The following SYT2 variants were observed in gnomAD, a reference collection of about 807,000 sequenced individuals.
The protein encoded by SYT2 is synaptotagmin 2.
SYT2 carries 15 observed loss-of-function variants against 39.9 expected under a neutral mutation model. The observed-to-expected ratio is 0.38, with a 90% CI of 0.25 to 0.58. SYT2 has a LOEUF of 0.58. Among genes scored for constraint, SYT2 ranks in the 20% least tolerant of loss-of-function variants. The pLI, the probability that SYT2 is intolerant of heterozygous loss-of-function variation, is 0.70. For missense variants in SYT2, 389 were observed against 530.3 expected (o/e 0.73, Z 2.62); for synonymous variants, 181 against 204.5 (o/e 0.89, Z 0.98).
In SYT2 at chr1:202,634,976, T is replaced by C. The variant is rs1294367230; in HGVS notation, c.-17-29187A>G. Among the ~76,000 whole-genome samples the C allele has an allele frequency of 2.0e-5, 3 of 152,224 alleles. No homozygotes were observed. In the East Asian group the frequency reaches 5.8e-4, roughly 29 times the overall value. ...AGATCGTGGTATGGTTGTGCAGTTC[T>C]GTGAATATATTAAAAACTATTGAAT... On this transcript the variant is annotated intron_variant, in intron 1 of 8. Coordinates refer to ENST00000367268, the MANE Select transcript of SYT2 (RefSeq NM_177402.5).
chr1:202,626,356 C>T (rs1691404028), intron 1 of SYT2, among the ~76,000 whole-genome samples: 1 of 148,778 alleles, frequency 6.7e-6, no homozygotes, highest in African/African-American at 2.5e-5. Context: ...TTCTTTCCAT[C>T]CTTTGGAAAG....
At chr1:202,678,565 C>T (rs933956013) in intron 1 of SYT2, among the ~76,000 whole-genome samples, 4 of 152,124 alleles carry the variant, frequency 2.6e-5, no homozygotes, top group Non-Finnish European at 5.9e-5. Context: ...TCATGTCCCT[C>T]CCTGAAATCT....
In SYT2 at chr1:202,605,566, C is replaced by T. The variant is rs1233246823; in HGVS notation, c.178+29G>A. On this transcript the variant is annotated intron_variant, in intron 2 of 8. Transcript: ENST00000367268. ...ACCTCTCCCAGACTCTAGCCTTGCC[C>T]CACCCTCTCAGCCACCAGAGACACT... 3 of 1,603,926 alleles carry T rather than the reference C, an allele frequency of 1.9e-6. No homozygotes were observed. In the Admixed American group the frequency reaches 5.0e-5, roughly 27 times the overall value.
intron 1 of SYT2, among the ~76,000 whole-genome samples, chr1:202,629,878 G>GGGGGT (rs1553338299): frequency 7.5e-5 from 9 of 119,394 alleles, no homozygotes; most frequent in African/African-American, 3.0e-4. Flanking sequence ...GGGGGGGGGG[G>GGGGGT]GGTGGTACGG....
chr1:202,672,457 G>A (rs1416130321), intron 1 of SYT2, among the ~76,000 whole-genome samples: 2 of 152,044 alleles, frequency 1.3e-5, no homozygotes, highest in African/African-American at 4.8e-5. Context: ...CCAGTCTCCG[G>A]AACTGTGAGA....
chr1:202,705,890 C>A (rs1451970252), intron 1 of SYT2, among the ~76,000 whole-genome samples: 1 of 152,070 alleles, frequency 6.6e-6, no homozygotes, highest in Non-Finnish European at 1.5e-5. Context: ...ACAGGGTCTC[C>A]ATATGTTGCC....
At chr1:202,610,211 A>C (rs534671851) in intron 1 of SYT2, among the ~76,000 whole-genome samples, 122 of 152,224 alleles carry the variant, frequency 8.0e-4, no homozygotes, top group African/African-American at 2.7e-3. Context: ...ATGCGGCATT[A>C]TTTCTGAGGG....
rs572795634 is a variant in SYT2, at chr1:202,638,651, A to C, written c.-17-32862T>G. ...CACTCCAAGATACAAAGGGTTATTT[A>C]ATGCGGAAAATCCAAAGGCTCCTTC... On this transcript the variant is annotated intron_variant, in intron 1 of 8. Coordinates refer to ENST00000367268, the MANE Select transcript of SYT2 (RefSeq NM_177402.5). 5.9e-5 allele frequency among the ~76,000 whole-genome samples: 9 copies of C among 152,302 alleles called. No individual in the cohort carries two copies. In the South Asian group the frequency reaches 1.7e-3, roughly 28 times the overall value.
At chr1:202,708,181 C>CG (rs1654299193) in intron 1 of SYT2, among the ~76,000 whole-genome samples, 1 of 152,072 alleles carries the variant, frequency 6.6e-6, no homozygotes. Context: ...TCCTGTTCTG[C>CG]GGATGTCAGA....
intron 1 of SYT2, among the ~76,000 whole-genome samples, chr1:202,649,743 T>G (rs1339080002): frequency 6.6e-6 from 1 of 152,220 alleles, no homozygotes; most frequent in East Asian, 1.9e-4. Context: ...AACTACTTTA[T>G]GAAACTGGTG....
At chr1:202,684,039 A>T (rs1653595663) in intron 1 of SYT2, among the ~76,000 whole-genome samples, 1 of 152,010 alleles carries the variant, frequency 6.6e-6, no homozygotes, top group Non-Finnish European at 1.5e-5. Flanking sequence ...TTTTACTGAA[A>T]TATATTACAG....
chr1:202,686,035 T>C (rs1348001189), intron 1 of SYT2, among the ~76,000 whole-genome samples: 1 of 152,138 alleles, frequency 6.6e-6, no homozygotes, highest in Non-Finnish European at 1.5e-5. Flanking sequence ...CGGGAGGACA[T>C]GACCCTGGGC....
chr1:202,632,657 C>G (rs1691626803), intron 1 of SYT2: 3 of 903,940 alleles, frequency 3.3e-6, no homozygotes, highest in Non-Finnish European at 4.0e-6. Context: ...CACAGAGACA[C>G]AGACCTGCCC....
At chr1:202,604,727 T>C in intron 2 of SYT2, 106 bp from the exon 3 acceptor site, 1 of 1,069,496 alleles carries the variant, frequency 9.4e-7, no homozygotes, top group Non-Finnish European at 1.3e-6. Context: ...CATCCCACAA[T>C]GCCCACACCC....
chr1:202,664,099 C>A (rs1692439546), intron 1 of SYT2, among the ~76,000 whole-genome samples: 1 of 152,014 alleles, frequency 6.6e-6, no homozygotes, highest in Non-Finnish European at 1.5e-5. Flanking sequence ...GCAGTCTTAC[C>A]CACTGCCTGA....
At chr1:202,676,641 G>A (rs1035422164) in intron 1 of SYT2, among the ~76,000 whole-genome samples, 4 of 152,146 alleles carry the variant, frequency 2.6e-5, no homozygotes, top group African/African-American at 7.2e-5. Context: ...TTCAATAATA[G>A]AAGGCTACAC....
chr1:202,683,453 T>C (rs1653576328), intron 1 of SYT2, among the ~76,000 whole-genome samples: 1 of 152,196 alleles, frequency 6.6e-6, no homozygotes, highest in African/African-American at 2.4e-5. Flanking sequence ...AAAGAGTGTA[T>C]ACTGGCGAAT....
rs79654748 is a variant in SYT2 at position 202,624,046 on chromosome 1, C to G, written c.-17-18257G>C. Among the ~76,000 whole-genome samples the G allele has an allele frequency of 6.8e-3, 1,037 of 152,346 alleles. 15 individuals carry two copies. Among genetic ancestry groups the G allele is most frequent in the East Asian group, 0.063 (327 of 5,186 alleles). Reference sequence around the variant, plus strand: ...GTTACAAGGTTTGAACACACTAGCTCTGCCGATCACCGCCCCTCTAAGGGA... The same window carrying G: ...GTTACAAGGTTTGAACACACTAGCTGTGCCGATCACCGCCCCTCTAAGGGA... On this transcript the variant is annotated intron_variant, in intron 1 of 8. Coordinates refer to ENST00000367268, the MANE Select transcript of SYT2 (RefSeq NM_177402.5).
chr1:202,651,877 G>A (rs1199610365), intron 1 of SYT2, among the ~76,000 whole-genome samples: 1 of 152,188 alleles, frequency 6.6e-6, no homozygotes, highest in African/African-American at 2.4e-5. Flanking sequence ...TGCAAACATG[G>A]TGAAGCCCCG....
Sources: allele counts gnomAD v4.1 joint callset (sites outside exome capture counted in the v4.1 genomes callset), GRCh38; gene constraint gnomAD v4.1.1; transcripts MANE v1.5; gene names NCBI Gene and HGNC (gene_info 2026-07-23, HGNC 2026-07-21).